The following BCLAF3 variants were observed in gnomAD, a reference collection of about 807,000 sequenced individuals.
The protein encoded by BCLAF3 is transient octamer binding factor 1.
In BCLAF3, 24 loss-of-function variants were observed where a neutral mutation model predicts 51.2. The observed-to-expected ratio is 0.47, with a 90% confidence interval of 0.34 to 0.66. The LOEUF (loss-of-function observed/expected upper bound fraction) is 0.66, where lower values mean the gene tolerates loss of function less well. BCLAF3 is among the 30% of genes least tolerant of loss of function. The pLI, the probability that BCLAF3 is intolerant of heterozygous loss-of-function variation, is 0.01. For synonymous variants in BCLAF3, 152 were observed against 176.6 expected (o/e 0.86, Z 1.10); for missense variants, 465 against 525.1 (o/e 0.89, Z 1.12).
At chrX:19,990,142 GA>G (rs376381001) in intron 1 of BCLAF3, among the ~76,000 whole-genome samples, 825 of 50,783 alleles carry the variant, frequency 0.016, 15 homozygotes, top group African/African-American at 0.052. Context: ...TTTGTTCCAG[GA>G]AAAAAAAAAA....
At chrX:19,918,892 T>A (rs1018769912) in intron 11 of BCLAF3, among the ~76,000 whole-genome samples, 1 of 110,334 alleles carries the variant, frequency 9.1e-6, no homozygotes, top group African/African-American at 3.3e-5. Context: ...GCACTTCTTA[T>A]CTAGGTTTTC....
At chrX:19,947,669 C>A (rs1209560125) in intron 8 of BCLAF3, among the ~76,000 whole-genome samples, 3 of 111,873 alleles carry the variant, frequency 2.7e-5, no homozygotes, top group Non-Finnish European at 5.6e-5. Flanking sequence ...GGAATAGTAA[C>A]CCAAATCTAA....
At chrX:19,964,188 C>A (rs752975414) in intron 4 of BCLAF3, among the ~76,000 whole-genome samples, 2 of 111,457 alleles carry the variant, frequency 1.8e-5, no homozygotes, top group Admixed American at 9.5e-5. Flanking sequence ...CATGGCCCCC[C>A]CCTTTTTCAT....
intron 1 of BCLAF3, among the ~76,000 whole-genome samples, chrX:19,983,136 T>G (rs2072675034): frequency 1.9e-5 from 2 of 105,088 alleles, no homozygotes; most frequent in Non-Finnish European, 3.9e-5. Flanking sequence ...TTTTGTATTT[T>G]TAGTGGAGAT....
At position 19,965,115 on chromosome X, in the gene BCLAF3, G is replaced by A; in HGVS notation, c.1203C>T (p.Pro401=). ...ATTTCTTCCTAAGATTGATAGGCGA[G>A]GGTTTCACATCAGGAAGTTTTTGAC... ...DKSQKLPDVK[P]SPINLRKKSL... is the part of the protein sequence containing the mutation. Residue 401 remains proline (P), a synonymous_variant, in exon 4 of 12, where the codon CCC becomes CCT. Coordinates refer to ENST00000379682, the MANE Select transcript of BCLAF3 (RefSeq NM_001367774.2). 1 of 1,201,522 alleles carries A rather than the reference G, an allele frequency of 8.3e-7. No homozygotes were observed. The highest frequency in any genetic ancestry group is 1.8e-5 in the African/African-American group (1 of 57,071).
intron 8 of BCLAF3, among the ~76,000 whole-genome samples, chrX:19,943,967 G>A (rs1386517065): frequency 1.3e-5 from 1 of 78,421 alleles, no homozygotes; most frequent in Non-Finnish European, 2.4e-5. Flanking sequence ...CCTGTATTGG[G>A]TGCATATATA....
At chrX:19,959,230 A>G (rs1344495841) in intron 4 of BCLAF3, among the ~76,000 whole-genome samples, 1 of 111,653 alleles carries the variant, frequency 9.0e-6, no homozygotes. Context: ...TCACATGTCA[A>G]CTACATGATG....
intron 5 of BCLAF3, 72 bp downstream of exon 5, chrX:19,955,319 G>A (rs2071625152): frequency 2.7e-6 from 2 of 741,884 alleles, no homozygotes; most frequent in East Asian, 6.9e-5. Context: ...TATACTGCAG[G>A]TGTTTACCTG....
intron 1 of BCLAF3, among the ~76,000 whole-genome samples, chrX:19,988,637 T>A (rs928800346): frequency 1.8e-5 from 2 of 112,109 alleles, no homozygotes; most frequent in African/African-American, 6.5e-5. Flanking sequence ...AAATAATTTT[T>A]AAAAATACCA....
intron 4 of BCLAF3, among the ~76,000 whole-genome samples, chrX:19,956,113 A>G (rs982585632): frequency 8.9e-6 from 1 of 111,973 alleles, no homozygotes; most frequent in Admixed American, 9.5e-5. Flanking sequence ...AATTCTCAGG[A>G]AATAGTCTTA....
intron 7 of BCLAF3, 42 bp downstream of exon 7, chrX:19,952,946 A>C (rs2071540248): frequency 5.4e-6 from 6 of 1,101,558 alleles, no homozygotes; most frequent in Non-Finnish European, 7.4e-6. Flanking sequence ...GTTAATATAC[A>C]AACAATAAGA....
chrX:19,932,809 G>A (rs1314512191), intron 10 of BCLAF3, among the ~76,000 whole-genome samples: 2 of 111,603 alleles, frequency 1.8e-5, no homozygotes, highest in Non-Finnish European at 3.8e-5. Context: ...TGGGATTACA[G>A]GCGTGAGCCA....
chrX:19,930,195 C>T (rs2070494643), intron 10 of BCLAF3: 1 of 221,618 alleles, frequency 4.5e-6, no homozygotes, highest in Non-Finnish European at 8.1e-6. Flanking sequence ...CCTGTAATCC[C>T]AGCTACTCAG....
chrX:19,969,091 C>T (rs1431443041), intron 2 of BCLAF3, among the ~76,000 whole-genome samples: 4 of 110,950 alleles, frequency 3.6e-5, no homozygotes, highest in African/African-American at 9.8e-5. Flanking sequence ...CCAGCCTGGG[C>T]GACAGAGCGA....
intron 8 of BCLAF3, among the ~76,000 whole-genome samples, chrX:19,947,882 A>G (rs776475189): frequency 1.8e-5 from 2 of 112,496 alleles, no homozygotes; most frequent in Non-Finnish European, 3.8e-5. Flanking sequence ...ATCATGTTTC[A>G]TTTCTTTCGT....
chrX:19,980,675 C>A (rs1206703792), intron 1 of BCLAF3, among the ~76,000 whole-genome samples: 1 of 111,542 alleles, frequency 9.0e-6, no homozygotes, highest in Non-Finnish European at 1.9e-5. Context: ...TGGTGGCTCA[C>A]ACCTGTAATC....
intron 8 of BCLAF3, 22 bp from the exon 9 acceptor site, chrX:19,937,554 T>C: frequency 5.9e-6 from 5 of 841,259 alleles, no homozygotes; most frequent in Non-Finnish European, 8.5e-6. Flanking sequence ...ACAGAGAAAA[T>C]AAGAATATTT....
chrX:19,937,466 T>C lies in BCLAF3; in HGVS notation c.1812A>G (p.Thr604=), dbSNP rs754750302. The C allele has an allele frequency of 1.7e-6, 2 of 1,186,470 alleles. No individual in the cohort carries two copies. The highest frequency in any genetic ancestry group is 5.9e-5 in the East Asian group (2 of 33,639). Reference sequence around the variant, plus strand: ...TTCTAAAATTTGATTTTATAAAATGTGTGGGTTTTTGGAATCCATCAGTAT... The same window carrying C: ...TTCTAAAATTTGATTTTATAAAATGCGTGGGTTTTTGGAATCCATCAGTAT... ...NVHTDGFQKP[T]HFIKSNFRKC... Residue 604 remains threonine, a synonymous_variant, in exon 9 of 12, where the codon ACA becomes ACG. Transcript: ENST00000379682.
At chrX:19,980,978 T>C (rs1365772924) in intron 1 of BCLAF3, among the ~76,000 whole-genome samples, 3 of 107,670 alleles carry the variant, frequency 2.8e-5, no homozygotes, top group Non-Finnish European at 5.8e-5. Context: ...GTGATAGAGT[T>C]AAAAAAAGAA....
Sources: allele counts gnomAD v4.1 joint callset (sites outside exome capture counted in the v4.1 genomes callset), GRCh38; gene constraint gnomAD v4.1.1; transcripts MANE v1.5; gene names NCBI Gene and HGNC (gene_info 2026-07-23, HGNC 2026-07-21).